Variants in AARD observed in about 807,000 individuals in gnomAD.
AARD encodes alanine- and arginine-rich domain-containing protein.
In AARD, 9 loss-of-function variants were observed where a neutral mutation model predicts 9.3. That is an observed-to-expected ratio of 0.97 (90% CI 0.58 to 1.69). AARD has a LOEUF of 1.69. Ranked by LOEUF, AARD falls within the 40% of genes most tolerant of loss-of-function variation. The probability of loss-of-function intolerance (pLI) is 0.00; values close to 1 mark genes in which losing one functional copy is unlikely to be tolerated. For synonymous variants in AARD, 91 were observed against 93.8 expected, an observed-to-expected ratio of 0.97 and a Z score of 0.17; for missense variants, 236 against 210.3, an observed-to-expected ratio of 1.12 and a Z score of -0.76.
rs1813705344 is a variant in AARD at position 116,938,581 on chromosome 8, C to G, written c.324+14C>G. The G allele has an allele frequency of 7.1e-7, 1 of 1,399,506 alleles. No individual in the cohort carries two copies. The highest frequency in any genetic ancestry group is 1.5e-5 in the African/African-American group (1 of 65,724). 86.7% of individuals were successfully genotyped at this position (1,399,506 alleles called of 1,614,324 possible). ...CGGGCGGAGCTGGTGAGAGAGCGGG[C>G]TAGGCGGACGGCTCCCAGGGCTCCC... On this transcript the variant is annotated intron_variant, in intron 1 of 1. Coordinates refer to ENST00000378279, the MANE Select transcript of AARD (RefSeq NM_001025357.3).
chr8:116,938,806 T>C, intron 1 of AARD: 1 of 518,924 alleles, frequency 1.9e-6, no homozygotes, highest in Non-Finnish European at 3.2e-6. Context: ...CCAAGATGTC[T>C]CCTCCCCAAC....
intron 1 of AARD, among the ~76,000 whole-genome samples, chr8:116,941,481 C>T (rs1033692392): frequency 6.6e-6 from 1 of 152,166 alleles, no homozygotes; most frequent in Non-Finnish European, 1.5e-5. Flanking sequence ...CTGGGCCACC[C>T]TAGAGAGCTG....
intron 1 of AARD, among the ~76,000 whole-genome samples, chr8:116,939,740 A>C (rs2130550608): frequency 6.6e-6 from 1 of 152,374 alleles, no homozygotes; most frequent in East Asian, 1.9e-4. Context: ...ACAATGTCAA[A>C]GAAACACCTG....
At chr8:116,940,576 A>G (rs1230279523) in intron 1 of AARD, among the ~76,000 whole-genome samples, 1 of 152,222 alleles carries the variant, frequency 6.6e-6, no homozygotes, top group Non-Finnish European at 1.5e-5. Context: ...TTAGTTTTCA[A>G]TTTTCGGCTA....
Position 116,938,755 on chromosome 8 carries a change from G to T in AARD, c.324+188G>T, listed in dbSNP as rs1015531061. ...AAAAGGGCCCTGCAGGACCCATGGT[G>T]GGGGGTGGGGGCGGGGGTGCCTGGT... On this transcript the variant is annotated intron_variant, in intron 1 of 1. Transcript: ENST00000378279. 5 of 824,118 alleles carry T rather than the reference G, an allele frequency of 6.1e-6. No homozygotes were observed. In the Admixed American group the frequency reaches 1.7e-4, roughly 27 times the overall value. The allele number at this position is 824,118 out of a possible 1,614,324, so 51.1% of individuals were successfully genotyped here. A position where few individuals can be genotyped will look rare whatever the true frequency, so the allele number is the denominator to read the frequency against.
At chr8:116,940,122 A>C (rs1204284749) in intron 1 of AARD, among the ~76,000 whole-genome samples, 1 of 152,206 alleles carries the variant, frequency 6.6e-6, no homozygotes, top group African/African-American at 2.4e-5. Context: ...AAATCTAAAC[A>C]GATGAGGGCT....
intron 1 of AARD, among the ~76,000 whole-genome samples, chr8:116,939,430 G>A (rs1813719685): frequency 1.3e-5 from 2 of 152,136 alleles, no homozygotes; most frequent in African/African-American, 2.4e-5. Flanking sequence ...CCAGGAGTTC[G>A]AGACCAGCCT....
rs967754806 is a variant in AARD at position 116,944,452 on chromosome 8, A to G, written c.*1751A>G. 2.6e-5 allele frequency: 4 copies of G among 152,170 alleles called. No individual in the cohort carries two copies. Among genetic ancestry groups the G allele is most frequent in the African/African-American group, 9.7e-5 (4 of 41,432 alleles). 9.4% of individuals were successfully genotyped at this position (152,170 alleles called of 1,614,324 possible). A position where few individuals can be genotyped will look rare whatever the true frequency, so the allele number is the denominator to read the frequency against. On this transcript the variant is annotated 3_prime_UTR_variant, in exon 2 of 2. Transcript: ENST00000378279. Reference sequence around the variant, plus strand: ...GGCCTCGAAAAAATAAATAAATAATAAAAATAAAATAAATGCAAGTTGTTT... The same window carrying G: ...GGCCTCGAAAAAATAAATAAATAATGAAAATAAAATAAATGCAAGTTGTTT...
intron 1 of AARD, among the ~76,000 whole-genome samples, chr8:116,939,627 C>T (rs1233761507): frequency 6.6e-6 from 1 of 152,104 alleles, no homozygotes; most frequent in Non-Finnish European, 1.5e-5. Flanking sequence ...AGTGAAACAA[C>T]GTCTCAAAAA....
chr8:116,938,590 C>T, intron 1 of AARD, 23 bp downstream of exon 1: 2 of 1,396,256 alleles, frequency 1.4e-6, no homozygotes, highest in Non-Finnish European at 1.8e-6. Context: ...GCTAGGCGGA[C>T]GGCTCCCAGG....
Position 116,938,234 on chromosome 8 carries a change from C to T in AARD, c.-10C>T, listed in dbSNP as rs770656798. 2 of 1,580,916 alleles carry T rather than the reference C, an allele frequency of 1.3e-6. No homozygotes were observed. Among genetic ancestry groups the T allele is most frequent in the East Asian group, 4.6e-5 (2 of 43,254 alleles). ...CAGCAGCGGTAGAGCAGTGACCAGG[C>T]GTCTCCGCGATGGGCCCCGGGGACT... is the stretch of plus-strand genomic sequence containing the variant. On this transcript the variant is annotated 5_prime_UTR_variant, in exon 1 of 2. Coordinates refer to ENST00000378279, the MANE Select transcript of AARD (RefSeq NM_001025357.3).
At chr8:116,940,882 C>A (rs924485384) in intron 1 of AARD, among the ~76,000 whole-genome samples, 6 of 152,048 alleles carry the variant, frequency 3.9e-5, no homozygotes, top group African/African-American at 1.4e-4. Context: ...TCAGAGGGAT[C>A]CTTGATGAAA....
Position 116,938,258 on chromosome 8 carries a change from C to G in AARD, c.15C>G (p.Asp5Glu). Reference sequence around the variant, plus strand: ...GCGTCTCCGCGATGGGCCCCGGGGACTTCCGCCGCTGCAGAGAGAGAATTT... The same window carrying G: ...GCGTCTCCGCGATGGGCCCCGGGGAGTTCCGCCGCTGCAGAGAGAGAATTT... MGPG[D>E]FRRCRERISQ... Residue 5 changes from aspartate (D) to glutamate (E), a missense_variant, in exon 1 of 2, where the codon GAC (aspartate) becomes GAG (glutamate). Coordinates refer to ENST00000378279, the MANE Select transcript of AARD (RefSeq NM_001025357.3). The G allele has an allele frequency of 6.2e-7, 1 of 1,600,112 alleles. No homozygotes were observed. The highest frequency in any genetic ancestry group is 1.1e-5 in the South Asian group (1 of 89,476).
intron 1 of AARD, among the ~76,000 whole-genome samples, chr8:116,939,111 T>C (rs1015738275): frequency 3.9e-5 from 6 of 152,196 alleles, no homozygotes; most frequent in Admixed American, 2.6e-4. Context: ...ACTGATTTTT[T>C]TTAATTCAAA....
At position 116,938,491 on chromosome 8, in the gene AARD, C is replaced by CG. The variant is rs1271653848; in HGVS notation, c.250dup (p.Ala84GlyfsTer15). 2 of 1,531,432 alleles carry CG rather than the reference C, an allele frequency of 1.3e-6. No homozygotes were observed. The highest frequency in any genetic ancestry group is 1.7e-6 in the Non-Finnish European group (2 of 1,146,104). The allele number at this position is 1,531,432 out of a possible 1,614,324, so 94.9% of individuals were successfully genotyped here. On this transcript the variant is annotated frameshift_variant, in exon 1 of 2. Coordinates refer to ENST00000378279, the MANE Select transcript of AARD (RefSeq NM_001025357.3). LOFTEE classifies it high-confidence loss of function. ...ATCTCGAGGCGCGTGCAGGAGGCGG[C>CG]GGCGGCGGCGGCGGCGCGGGAGGAG...
Position 116,938,469 on chromosome 8 carries a change from T to A in AARD, c.226T>A (p.Ser76Thr). Residue 76 changes from serine (S) to threonine (T), a missense_variant, in exon 1 of 2, where the codon TCG becomes ACG. Coordinates refer to ENST00000378279, the MANE Select transcript of AARD (RefSeq NM_001025357.3). ...AFQWAVQRAISRRVQEAAAAA... is the reference protein window; with the variant it reads ...AFQWAVQRAITRRVQEAAAAA... The stretch of plus-strand genomic sequence containing the variant: ...CCAGTGGGCGGTGCAGCGCGCGATC[T>A]CGAGGCGCGTGCAGGAGGCGGCGGC... 1.3e-6 allele frequency: 2 copies of A among 1,588,002 alleles called. No homozygotes were observed. Among genetic ancestry groups the A allele is most frequent in the Non-Finnish European group, 1.7e-6 (2 of 1,169,000 alleles).
chr8:116,939,565 G>C (rs1813721347), intron 1 of AARD, among the ~76,000 whole-genome samples: 1 of 152,220 alleles, frequency 6.6e-6, no homozygotes. Context: ...CTGGGAGGCA[G>C]AGGCTGCAGT....
At position 116,938,552 on chromosome 8, in the gene AARD, G is replaced by T; in HGVS notation, c.309G>T (p.Arg103Ser). The change falls in exon 1 of 2, where the codon AGG (arginine) becomes AGT (serine). Residue 103 changes from arginine (R) to serine (S), a missense_variant. By Grantham distance (110) the Arg-to-Ser change is moderately radical (BLOSUM62 -1). Coordinates refer to ENST00000378279, the MANE Select transcript of AARD (RefSeq NM_001025357.3). ...SWTGVEATLARLRAELVEMHF... is the reference protein window; with the variant it reads ...SWTGVEATLASLRAELVEMHF... ...CGGGCGTTGAGGCCACCCTGGCCAG[G>T]CTGCGGGCGGAGCTGGTGAGAGAGC... 1 of 1,438,358 alleles carries T rather than the reference G, an allele frequency of 7.0e-7. No homozygotes were observed. The highest frequency in any genetic ancestry group is 9.0e-7 in the Non-Finnish European group (1 of 1,107,788). The allele number at this position is 1,438,358 out of a possible 1,614,324, so 89.1% of individuals were successfully genotyped here. A position where few individuals can be genotyped will look rare whatever the true frequency, so the allele number is the denominator to read the frequency against.
chr8:116,943,898 T>C lies in AARD; in HGVS notation c.*1197T>C, dbSNP rs1813776687. On this transcript the variant is annotated 3_prime_UTR_variant, in exon 2 of 2. Coordinates refer to ENST00000378279, the MANE Select transcript of AARD (RefSeq NM_001025357.3). ...AATACAGTTGTTCAGTTTTAGGAGT[T>C]AAAATGGTTCTTACTGTTGAATTGG... 6.6e-6 allele frequency: 1 copy of C among 152,220 alleles called. No homozygotes were observed. The highest frequency in any genetic ancestry group is 2.4e-5 in the African/African-American group (1 of 41,464). The allele number at this position is 152,220 out of a possible 1,614,324, so 9.4% of individuals were successfully genotyped here. A position where few individuals can be genotyped will look rare whatever the true frequency, so the allele number is the denominator to read the frequency against.
Sources: allele counts gnomAD v4.1 joint callset (sites outside exome capture counted in the v4.1 genomes callset), GRCh38; gene constraint gnomAD v4.1.1; transcripts MANE v1.5; gene names NCBI Gene and HGNC (gene_info 2026-07-23, HGNC 2026-07-21).